AUTS2: variants seen among roughly 807,000 people sequenced by gnomAD.
The protein encoded by AUTS2 is activator of transcription and developmental regulator AUTS2.
In AUTS2, 17 loss-of-function variants were observed where a neutral mutation model predicts 112.4. The observed-to-expected ratio is 0.15, with a 90% CI of 0.10 to 0.23. AUTS2 has a LOEUF of 0.23. Among genes scored for constraint, AUTS2 ranks in the 10% least tolerant of loss-of-function variants. The pLI is 1.00. For missense variants in AUTS2, 1,510 were observed against 1,701.6 expected (o/e 0.89, Z 1.98); for synonymous variants, 751 against 702.7 (o/e 1.07, Z -1.09).
intron 5 of AUTS2, among the ~76,000 whole-genome samples, chr7:70,636,246 A>G (rs977541422): frequency 6.6e-6 from 1 of 152,180 alleles, no homozygotes; most frequent in South Asian, 2.1e-4. Flanking sequence ...CTAAGGCAGC[A>G]TGTTCTCCAG....
At chr7:69,662,857 C>T (rs1216099506) in intron 1 of AUTS2, among the ~76,000 whole-genome samples, 2 of 152,102 alleles carry the variant, frequency 1.3e-5, no homozygotes, top group African/African-American at 4.8e-5. Context: ...TTATAACAGA[C>T]ATCTTATGGA....
At chr7:69,721,108 G>C (rs899718623) in intron 1 of AUTS2, among the ~76,000 whole-genome samples, 8 of 152,184 alleles carry the variant, frequency 5.3e-5, no homozygotes, top group African/African-American at 1.9e-4. Context: ...AGAATGACCA[G>C]GGTCAGTTTT....
chr7:69,837,739 ACTCT>A (rs1019601907), intron 1 of AUTS2, among the ~76,000 whole-genome samples: 1 of 152,046 alleles, frequency 6.6e-6, no homozygotes, highest in South Asian at 2.1e-4. Flanking sequence ...AAAGCTCTTA[ACTCT>A]CTCTGGTATC....
At chr7:70,261,218 C>T (rs1787154179) in intron 4 of AUTS2, among the ~76,000 whole-genome samples, 1 of 152,136 alleles carries the variant, frequency 6.6e-6, no homozygotes, top group African/African-American at 2.4e-5. Flanking sequence ...TAAGAGAAGG[C>T]ACACACAAAA....
intron 1 of AUTS2, among the ~76,000 whole-genome samples, chr7:69,638,297 T>A (rs1380378729): frequency 6.6e-6 from 1 of 152,202 alleles, no homozygotes; most frequent in Non-Finnish European, 1.5e-5. Context: ...ACTACAGGCG[T>A]GAGCCACTGT....
At chr7:69,611,133 G>A (rs1400188722) in intron 1 of AUTS2, among the ~76,000 whole-genome samples, 1 of 152,162 alleles carries the variant, frequency 6.6e-6, no homozygotes, top group East Asian at 1.9e-4. Context: ...TATTTTAATT[G>A]TATCAGATTA....
chr7:70,488,528 T>C (rs1375993141), intron 5 of AUTS2, among the ~76,000 whole-genome samples: 3 of 152,116 alleles, frequency 2.0e-5, no homozygotes, highest in Non-Finnish European at 4.4e-5. Context: ...AGCCCTGGTG[T>C]TCTTTCTCCT....
At position 69,958,295 on chromosome 7, in the gene AUTS2, A is replaced by G. The variant is rs1797296607; in HGVS notation, c.522+58797A>G. Among the ~76,000 whole-genome samples the G allele has an allele frequency of 2.0e-5, 3 of 152,158 alleles. No homozygotes were observed. In the South Asian group the frequency reaches 6.2e-4, roughly 32 times the overall value. The stretch of plus-strand genomic sequence containing the variant: ...AATGGCATAGTTGAATAATTATGAC[A>G]GAGACTGTATGGCCTGCAAAACCTA... On this transcript the variant is annotated intron_variant, in intron 2 of 18. Coordinates refer to ENST00000342771, the MANE Select transcript of AUTS2 (RefSeq NM_015570.4).
chr7:70,605,262 G>A (rs1477604046), intron 5 of AUTS2, among the ~76,000 whole-genome samples: 1 of 152,196 alleles, frequency 6.6e-6, no homozygotes, highest in Non-Finnish European at 1.5e-5. Flanking sequence ...ATGCTGAGAA[G>A]TCGTTGCCTG....
chr7:70,576,200 G>A (rs911940547), intron 5 of AUTS2, among the ~76,000 whole-genome samples: 1 of 152,134 alleles, frequency 6.6e-6, no homozygotes, highest in Non-Finnish European at 1.5e-5. Context: ...GACTGTGAGT[G>A]AGCCTCAGTT....
intron 5 of AUTS2, among the ~76,000 whole-genome samples, chr7:70,529,499 C>G (rs1799991637): frequency 6.6e-6 from 1 of 152,204 alleles, no homozygotes; most frequent in Non-Finnish European, 1.5e-5. Flanking sequence ...AGACCCTCTG[C>G]TCTTTCTATG....
chr7:69,945,359 G>A (rs917637086), intron 2 of AUTS2, among the ~76,000 whole-genome samples: 1 of 152,078 alleles, frequency 6.6e-6, no homozygotes, highest in African/African-American at 2.4e-5. Flanking sequence ...TATATAATAT[G>A]TTGTGTTTTA....
intron 5 of AUTS2, among the ~76,000 whole-genome samples, chr7:70,512,846 A>AT (rs900246553): frequency 2.6e-5 from 4 of 151,740 alleles, no homozygotes; most frequent in African/African-American, 9.7e-5. Flanking sequence ...AGAAAAAAAA[A>AT]AAACCATGCA....
At chr7:69,969,520 C>A (rs917977907) in intron 2 of AUTS2, among the ~76,000 whole-genome samples, 2 of 152,180 alleles carry the variant, frequency 1.3e-5, no homozygotes, top group African/African-American at 4.8e-5. Flanking sequence ...CTCTGCAGAA[C>A]TTTTGTTCTT....
intron 4 of AUTS2, among the ~76,000 whole-genome samples, chr7:70,211,695 G>A (rs1177657140): frequency 6.8e-6 from 1 of 146,544 alleles, no homozygotes; most frequent in African/African-American, 2.5e-5. Context: ...TATTAAGAGA[G>A]CATTATACAG....
At chr7:70,021,577 T>C (rs535096666) in intron 2 of AUTS2, among the ~76,000 whole-genome samples, 6 of 152,268 alleles carry the variant, frequency 3.9e-5, no homozygotes, top group African/African-American at 1.4e-4. Context: ...ACCCTTCACA[T>C]GTTCACTGTA....
intron 5 of AUTS2, among the ~76,000 whole-genome samples, chr7:70,675,776 G>A (rs775441706): frequency 1.3e-5 from 2 of 152,216 alleles, no homozygotes; most frequent in Non-Finnish European, 2.9e-5. Context: ...ACAGAACGGC[G>A]TCTGGGTTGT....
intron 4 of AUTS2, among the ~76,000 whole-genome samples, chr7:70,351,102 G>A (rs576351542): frequency 2.7e-5 from 4 of 149,770 alleles, no homozygotes; most frequent in Admixed American, 2.7e-4. Context: ...CCAGGCTGGA[G>A]TGCAATGGCA....
intron 5 of AUTS2, among the ~76,000 whole-genome samples, chr7:70,557,407 C>T (rs1258920261): frequency 6.6e-6 from 1 of 152,152 alleles, no homozygotes; most frequent in African/African-American, 2.4e-5. Flanking sequence ...AGCAGGAGTC[C>T]CACCCACTCC....
Sources: gnomAD v4.1 joint callset for allele counts (sites outside exome capture counted in the v4.1 genomes callset) on GRCh38, gnomAD v4.1.1 for gene constraint, MANE v1.5 for transcripts, NCBI Gene and HGNC (gene_info 2026-07-23, HGNC 2026-07-21) for gene names.